PGM5: variants seen among roughly 807,000 people sequenced by gnomAD.
PGM5 encodes the protein phosphoglucomutase-like protein 5.
Under a neutral mutation model 59.2 loss-of-function variants are expected in PGM5, and 23 were observed. The observed-to-expected ratio is 0.39, with a 90% confidence interval of 0.28 to 0.55. The LOEUF (loss-of-function observed/expected upper bound fraction) is 0.55. Among genes scored for constraint, PGM5 ranks in the 20% least tolerant of loss-of-function variants. The probability of loss-of-function intolerance (pLI) is 0.66; values close to 1 mark genes in which losing one functional copy is unlikely to be tolerated. For missense variants in PGM5, 574 were observed against 748.3 expected, an observed-to-expected ratio of 0.77 and a Z score of 2.72; for synonymous variants, 214 against 286.0, an observed-to-expected ratio of 0.75 and a Z score of 2.54.
chr9:68,356,857 G>C lies in PGM5; in HGVS notation c.-271G>C. 2.6e-6 allele frequency: 1 copy of C among 384,486 alleles called. No individual in the cohort carries two copies. Among genetic ancestry groups the C allele is most frequent in the Non-Finnish European group, 4.6e-6 (1 of 217,864 alleles). 23.8% of individuals were successfully genotyped at this position (384,486 alleles called of 1,614,324 possible). On this transcript the variant is annotated 5_prime_UTR_variant, in exon 1 of 11. Transcript: ENST00000396396. ...TGGGGAGAAACTGAGGGCAGCTCGG[G>C]CGGTCTGGCAGCGGAGAAGGTGGGT...
intron 7 of PGM5, among the ~76,000 whole-genome samples, chr9:68,474,481 C>T (rs996161895): frequency 6.6e-6 from 1 of 151,836 alleles, no homozygotes; most frequent in Non-Finnish European, 1.5e-5. Flanking sequence ...TATTAGTGTC[C>T]TGCCTAGCTC....
intron 6 of PGM5, among the ~76,000 whole-genome samples, chr9:68,401,460 A>G (rs1554680592): frequency 6.6e-6 from 1 of 152,144 alleles, no homozygotes; most frequent in Admixed American, 6.5e-5. Flanking sequence ...CCAGCAGCCT[A>G]TTTTCAGCCC....
chr9:68,508,671 GTC>G (rs1824696146), intron 10 of PGM5, among the ~76,000 whole-genome samples: 1 of 152,190 alleles, frequency 6.6e-6, no homozygotes, highest in Admixed American at 6.5e-5. Flanking sequence ...ATTTGCAGCG[GTC>G]ACACAAGTCC....
chr9:68,404,960 G>C (rs1822768023), intron 6 of PGM5: 1 of 152,160 alleles, frequency 6.6e-6, no homozygotes, highest in African/African-American at 2.4e-5. Flanking sequence ...ATTTGACCTG[G>C]TATTCCCTCT....
At chr9:68,511,017 T>C (rs1035850222) in intron 10 of PGM5, among the ~76,000 whole-genome samples, 1 of 152,194 alleles carries the variant, frequency 6.6e-6, no homozygotes, top group Admixed American at 6.5e-5. Flanking sequence ...ATGAAGCCTC[T>C]AAGTAGCAGG....
At chr9:68,514,128 A>G (rs1242414906) in intron 10 of PGM5, among the ~76,000 whole-genome samples, 1 of 152,180 alleles carries the variant, frequency 6.6e-6, no homozygotes, top group Non-Finnish European at 1.5e-5. Context: ...CAGATTCTGT[A>G]TTTTAACAAG....
intron 6 of PGM5, among the ~76,000 whole-genome samples, chr9:68,462,369 T>G (rs1166844748): frequency 1.3e-5 from 2 of 152,182 alleles, no homozygotes; most frequent in Admixed American, 1.3e-4. Context: ...ATGCTGTGTT[T>G]GGGATGAATC....
chr9:68,395,871 A>C (rs1822487282), intron 6 of PGM5: 1 of 151,988 alleles, frequency 6.6e-6, no homozygotes, highest in Non-Finnish European at 1.5e-5. Context: ...TGGTGAACTA[A>C]ACTCAGTTTA....
intron 9 of PGM5, among the ~76,000 whole-genome samples, chr9:68,487,029 T>C (rs1824306989): frequency 6.6e-6 from 1 of 152,186 alleles, no homozygotes; most frequent in African/African-American, 2.4e-5. Flanking sequence ...GGAGATTTGA[T>C]TTCTATAAGG....
intron 10 of PGM5, among the ~76,000 whole-genome samples, chr9:68,502,020 A>G (rs1471839995): frequency 1.3e-5 from 2 of 152,230 alleles, no homozygotes; most frequent in East Asian, 1.9e-4. Flanking sequence ...AACAGTGATT[A>G]TGCTATTTAA....
chr9:68,456,307 TG>T (rs1278878775), intron 6 of PGM5, among the ~76,000 whole-genome samples: 2 of 146,968 alleles, frequency 1.4e-5, no homozygotes, highest in South Asian at 2.3e-4. Context: ...TCTTTTTTTT[TG>T]GGGGTGGGGG....
chr9:68,458,911 T>C (rs980856891), intron 6 of PGM5, among the ~76,000 whole-genome samples: 3 of 152,192 alleles, frequency 2.0e-5, no homozygotes, highest in African/African-American at 7.2e-5. Context: ...TAGGCTTTCT[T>C]GAAAAGGCTT....
intron 6 of PGM5, among the ~76,000 whole-genome samples, chr9:68,408,881 G>C: frequency 6.6e-6 from 1 of 151,994 alleles, no homozygotes; most frequent in African/African-American, 2.4e-5. Flanking sequence ...AGATCAGATA[G>C]TTGTAGACAT....
intron 9 of PGM5, chr9:68,498,966 AC>A (rs1347342876): frequency 7.3e-6 from 3 of 409,802 alleles, no homozygotes; most frequent in Non-Finnish European, 1.3e-5. Flanking sequence ...GCCCAAGAGA[AC>A]TTGAGTATCT....
At chr9:68,468,158 C>T (rs547150374) in intron 7 of PGM5, among the ~76,000 whole-genome samples, 32 of 152,000 alleles carry the variant, frequency 2.1e-4, no homozygotes, top group African/African-American at 7.0e-4. Flanking sequence ...CAATAATTGT[C>T]GTTTCTGCTC....
intron 10 of PGM5, 103 bp downstream of exon 10, chr9:68,499,464 A>G (rs1284257273): frequency 8.4e-7 from 1 of 1,195,696 alleles, no homozygotes; most frequent in African/African-American, 1.5e-5. Context: ...CTGGAAAGGT[A>G]CATGATAATT....
At chr9:68,497,080 T>G (rs1178445789) in intron 9 of PGM5, 1 of 152,214 alleles carries the variant, frequency 6.6e-6, no homozygotes, top group Admixed American at 6.5e-5. Context: ...GTGAGACTTT[T>G]GGGGATTTAT....
intron 7 of PGM5, among the ~76,000 whole-genome samples, chr9:68,474,028 G>A (rs991291171): frequency 3.3e-5 from 5 of 152,024 alleles, no homozygotes; most frequent in Non-Finnish European, 7.4e-5. Flanking sequence ...GACTGCATAC[G>A]GTGCCTTTCT....
At chr9:68,501,183 A>C (rs906519048) in intron 10 of PGM5, among the ~76,000 whole-genome samples, 2 of 152,136 alleles carry the variant, frequency 1.3e-5, no homozygotes, top group Admixed American at 1.3e-4. Flanking sequence ...CCTTCTCCTC[A>C]GAAGCAAGAG....
Sources: gnomAD v4.1 joint callset for allele counts (sites outside exome capture counted in the v4.1 genomes callset) on GRCh38, gnomAD v4.1.1 for gene constraint, MANE v1.5 for transcripts, NCBI Gene and HGNC (gene_info 2026-07-23, HGNC 2026-07-21) for gene names.